The following EBF2 variants were observed in gnomAD, a reference collection of about 807,000 sequenced individuals.
EBF2 encodes transcription factor COE2.
EBF2 carries 21 observed loss-of-function variants against 72.8 expected under a neutral mutation model. That is an observed-to-expected ratio of 0.29 (90% CI 0.20 to 0.42). The LOEUF (loss-of-function observed/expected upper bound fraction) is 0.42. Ranked by LOEUF, EBF2 falls within the 10% of genes least tolerant of loss-of-function variation. EBF2 has a pLI of 1.00. For missense variants in EBF2, 637 were observed against 731.2 expected (o/e 0.87, Z 1.49); for synonymous variants, 299 against 274.2 (o/e 1.09, Z -0.89).
At chr8:25,845,611 CCTGT>C (rs1405125768) in intron 15 of EBF2, among the ~76,000 whole-genome samples, 2 of 152,142 alleles carry the variant, frequency 1.3e-5, no homozygotes, top group Non-Finnish European at 2.9e-5. Flanking sequence ...TCGGACAATG[CCTGT>C]CTGGGCAGAA....
intron 6 of EBF2, among the ~76,000 whole-genome samples, chr8:26,019,439 CT>C (rs1805170301): frequency 6.6e-6 from 1 of 152,218 alleles, no homozygotes; most frequent in East Asian, 1.9e-4. Flanking sequence ...AATTGGACTT[CT>C]GCTTCTTCCT....
At chr8:25,930,157 C>T (rs899455559) in intron 6 of EBF2, among the ~76,000 whole-genome samples, 1 of 152,118 alleles carries the variant, frequency 6.6e-6, no homozygotes, top group African/African-American at 2.4e-5. Context: ...GGTTACATCT[C>T]CAGGGCTCAT....
At chr8:25,963,455 C>T (rs12543589) in intron 6 of EBF2, among the ~76,000 whole-genome samples, 63,269 of 152,002 alleles carry the variant, frequency 0.42, 13,751 homozygotes, top group East Asian at 0.81. Context: ...ATCATTAATG[C>T]TCTCAAGGAT....
chr8:25,962,876 G>T (rs918576490), intron 6 of EBF2, among the ~76,000 whole-genome samples: 12 of 152,140 alleles, frequency 7.9e-5, no homozygotes, highest in Non-Finnish European at 1.3e-4. Flanking sequence ...TTTCTCTTTT[G>T]TCTCTTGGCC....
At chr8:25,938,233 CT>C (rs917912520) in intron 6 of EBF2, among the ~76,000 whole-genome samples, 1 of 151,648 alleles carries the variant, frequency 6.6e-6, no homozygotes, top group African/African-American at 2.4e-5. Context: ...TATTAATTTT[CT>C]TTTTTTTCAA....
chr8:25,849,701 A>ATTT lies in EBF2; in HGVS notation c.1696+890_1696+892dup, dbSNP rs1801920519. On this transcript the variant is annotated intron_variant, in intron 15 of 15. Transcript: ENST00000520164. Reference sequence around the variant, plus strand: ...AGATGATTTTTCATATACTCATCACATTTGTGTTATGTCATGCCATATTAT... The same window carrying ATTT: ...AGATGATTTTTCATATACTCATCACATTTTTTGTGTTATGTCATGCCATATTAT... Among the ~76,000 whole-genome samples the ATTT allele has an allele frequency of 2.0e-5, 3 of 152,048 alleles. No homozygotes were observed. In the South Asian group the frequency reaches 6.2e-4, roughly 32 times the overall value.
intron 7 of EBF2, among the ~76,000 whole-genome samples, chr8:25,893,444 A>C (rs1802817399): frequency 6.6e-6 from 1 of 151,638 alleles, no homozygotes. Context: ...CTGCCACCAC[A>C]CCCAGCTAAT....
chr8:25,904,780 T>A (rs1803009639), intron 7 of EBF2, among the ~76,000 whole-genome samples: 1 of 152,230 alleles, frequency 6.6e-6, no homozygotes, highest in South Asian at 2.1e-4. Context: ...GCTAAGCCTG[T>A]CTTCATAATA....
At chr8:26,010,096 A>G (rs2117232647) in intron 6 of EBF2, among the ~76,000 whole-genome samples, 1 of 152,326 alleles carries the variant, frequency 6.6e-6, no homozygotes, top group East Asian at 1.9e-4. Flanking sequence ...GGGGGAACAG[A>G]AAGAAAAGGA....
At chr8:25,868,868 A>G (rs904406129) in intron 10 of EBF2, among the ~76,000 whole-genome samples, 3 of 152,162 alleles carry the variant, frequency 2.0e-5, no homozygotes, top group Admixed American at 6.5e-5. Context: ...GTCGCTCCAT[A>G]TATAAGGAAT....
intron 6 of EBF2, among the ~76,000 whole-genome samples, chr8:26,025,294 AT>A (rs1380625763): frequency 5.3e-5 from 8 of 152,046 alleles, no homozygotes; most frequent in Non-Finnish European, 1.2e-4. Context: ...GTGAATACGT[AT>A]TTTTTGTGTG....
chr8:26,013,123 C>T (rs983853910), intron 6 of EBF2, among the ~76,000 whole-genome samples: 1 of 152,152 alleles, frequency 6.6e-6, no homozygotes, highest in Non-Finnish European at 1.5e-5. Flanking sequence ...GAGTATCTCA[C>T]TAAAGGGACA....
At chr8:25,956,510 T>G (rs151035548) in intron 6 of EBF2, among the ~76,000 whole-genome samples, 1 of 152,336 alleles carries the variant, frequency 6.6e-6, no homozygotes, top group African/African-American at 2.4e-5. Flanking sequence ...GGGCTTTTAG[T>G]GTAGCCATCA....
chr8:25,976,419 C>T (rs1412040625), intron 6 of EBF2, among the ~76,000 whole-genome samples: 1 of 152,166 alleles, frequency 6.6e-6, no homozygotes, highest in African/African-American at 2.4e-5. Context: ...TACCATTCAC[C>T]GTCTTTAGAG....
intron 13 of EBF2, 95 bp downstream of exon 13, chr8:25,860,954 G>C: frequency 1.5e-6 from 2 of 1,363,980 alleles, no homozygotes; most frequent in Non-Finnish European, 2.1e-6. Context: ...GACACACTCT[G>C]TTGGACCATT....
intron 11 of EBF2, among the ~76,000 whole-genome samples, chr8:25,861,860 AT>A (rs1470230196): frequency 6.6e-6 from 1 of 152,164 alleles, no homozygotes; most frequent in African/African-American, 2.4e-5. Flanking sequence ...TTTCAATAAT[AT>A]TTCCCCCTGT....
chr8:26,002,125 C>G (rs1361432722), intron 6 of EBF2, among the ~76,000 whole-genome samples: 4 of 152,142 alleles, frequency 2.6e-5, no homozygotes, highest in Non-Finnish European at 5.9e-5. Flanking sequence ...GGATCCCAGG[C>G]CACTTGCTTG....
intron 6 of EBF2, among the ~76,000 whole-genome samples, chr8:25,985,323 T>G (rs1358627278): frequency 6.6e-6 from 1 of 152,186 alleles, no homozygotes; most frequent in Non-Finnish European, 1.5e-5. Context: ...GATTTCCTTG[T>G]ACATGATATC....
intron 6 of EBF2, among the ~76,000 whole-genome samples, chr8:26,017,774 TG>T (rs1295405412): frequency 6.6e-6 from 1 of 152,212 alleles, no homozygotes; most frequent in Non-Finnish European, 1.5e-5. Context: ...CACTCTTTTT[TG>T]TTGTAACAGG....
Sources: gnomAD v4.1 joint callset for allele counts (sites outside exome capture counted in the v4.1 genomes callset) on GRCh38, gnomAD v4.1.1 for gene constraint, MANE v1.5 for transcripts, NCBI Gene and HGNC (gene_info 2026-07-23, HGNC 2026-07-21) for gene names.